Variants in ANGPT4 observed in about 807,000 individuals in gnomAD.
The protein encoded by ANGPT4 is angiopoietin 4, also known as angiopoietin-4.
A neutral mutation model predicts 53.0 loss-of-function variants in ANGPT4; 50 were observed. The observed-to-expected ratio is 0.94, with a 90% CI of 0.75 to 1.20. The LOEUF is 1.20. ANGPT4 is among the 50% of genes most tolerant of loss of function. The pLI, the probability that ANGPT4 is intolerant of heterozygous loss-of-function variation, is 0.00. For synonymous variants in ANGPT4, 251 were observed against 259.7 expected (o/e 0.97, Z 0.32); for missense variants, 648 against 637.1 (o/e 1.02, Z -0.18).
Position 872,975 on chromosome 20 carries a change from C to G in ANGPT4, c.1497G>C (p.Arg499=), listed in dbSNP as rs1182167235. 6.2e-7 allele frequency: 1 copy of G among 1,614,050 alleles called. No homozygotes were observed. Among genetic ancestry groups the G allele is most frequent in the South Asian group, 1.1e-5 (1 of 91,088 alleles). The change falls in exon 9 of 9, where the codon CGG becomes CGC. Residue 499 remains arginine (R), a synonymous_variant. Transcript: ENST00000381922. ...CAGCTGCTCGTTAGATGTCCAAAGGCCGTATCATCATGCGAGAGGCACGCA... is the reference window on the plus strand; with the variant it reads ...CAGCTGCTCGTTAGATGTCCAAAGGGCGTATCATCATGCGAGAGGCACGCA... The part of the protein sequence containing the change: ...YSLRASRMMI[R]PLDI
At chr20:909,627 T>C (rs964804864) in intron 1 of ANGPT4, among the ~76,000 whole-genome samples, 1 of 152,140 alleles carries the variant, frequency 6.6e-6, no homozygotes, top group African/African-American at 2.4e-5. Flanking sequence ...CCTCATTTAA[T>C]CTCCTCAATA....
Position 908,654 on chromosome 20 carries a change from C to T in ANGPT4, c.309+7252G>A, listed in dbSNP as rs775741770. Among the ~76,000 whole-genome samples, 49 of 152,284 alleles carry T rather than the reference C, an allele frequency of 3.2e-4. No individual in the cohort carries two copies. The highest frequency in any genetic ancestry group is 7.7e-4 in the East Asian group (4 of 5,182). On this transcript the variant is annotated intron_variant, in intron 1 of 8. Transcript: ENST00000381922. This position sits in a 1 kb window ranked among gnomAD's most constrained non-coding sequence, Gnocchi z 4.9. ...TACTAAATCCTTGTCACTTGCATGG[C>T]GCCTGGCGCATTGTAAGCCCTCAAT...
chr20:890,907 C>T (rs549455514), intron 1 of ANGPT4, among the ~76,000 whole-genome samples: 3 of 152,332 alleles, frequency 2.0e-5, no homozygotes, highest in South Asian at 2.1e-4. Flanking sequence ...TCCGCATCTG[C>T]GTGGCACACC....
intron 7 of ANGPT4, among the ~76,000 whole-genome samples, chr20:875,884 C>A (rs1050957734): frequency 6.6e-6 from 1 of 152,070 alleles, no homozygotes; most frequent in Non-Finnish European, 1.5e-5. Context: ...AATCCCCGCA[C>A]TTTGGGAGGC....
chr20:897,868 C>T (rs1014285690), intron 1 of ANGPT4, among the ~76,000 whole-genome samples: 1 of 152,188 alleles, frequency 6.6e-6, no homozygotes, highest in African/African-American at 2.4e-5. Flanking sequence ...ACCTAAATGC[C>T]TTATTTTCTT....
intron 6 of ANGPT4, among the ~76,000 whole-genome samples, chr20:878,747 G>A (rs1387269661): frequency 1.3e-5 from 2 of 152,044 alleles, no homozygotes; most frequent in African/African-American, 2.4e-5. Context: ...TTATTTGTGC[G>A]CTTAGACACA....
At chr20:909,027 G>A (rs1331631707) in intron 1 of ANGPT4, among the ~76,000 whole-genome samples, 3 of 152,150 alleles carry the variant, frequency 2.0e-5, no homozygotes, top group East Asian at 3.9e-4. Context: ...GGTGGGCACA[G>A]AGAGGTGGTC....
At chr20:909,224 T>G (rs886643970) in intron 1 of ANGPT4, among the ~76,000 whole-genome samples, 4 of 152,268 alleles carry the variant, frequency 2.6e-5, no homozygotes, top group Middle Eastern at 3.4e-3. Flanking sequence ...ACATATAAAG[T>G]GCCTGGCCCA....
chr20:890,419 C>T lies in ANGPT4; in HGVS notation c.310-51G>A, dbSNP rs749890952. The T allele has an allele frequency of 4.5e-6, 7 of 1,539,430 alleles. No individual in the cohort carries two copies. The African/African-American group carries it at 8.2e-5, about 18-fold the overall frequency. ...ACGGGGGAGGGGCGGGGGAAGCCCC[C>T]TGTCCCTCCCACGTGTCACCATGGG... On this transcript the variant is annotated intron_variant, in intron 1 of 8. Transcript: ENST00000381922.
At chr20:904,717 C>A (rs1982412194) in intron 1 of ANGPT4, among the ~76,000 whole-genome samples, 1 of 152,158 alleles carries the variant, frequency 6.6e-6, no homozygotes, top group Non-Finnish European at 1.5e-5. Context: ...GCCTTGAATT[C>A]CCAGGCTCAA....
chr20:896,494 C>A (rs1982056617), intron 1 of ANGPT4, among the ~76,000 whole-genome samples: 1 of 152,082 alleles, frequency 6.6e-6, no homozygotes, highest in Non-Finnish European at 1.5e-5. Context: ...AGTGCAGAGG[C>A]CTTGAAGTGG....
At chr20:905,922 G>A (rs1213457090) in intron 1 of ANGPT4, among the ~76,000 whole-genome samples, 1 of 152,212 alleles carries the variant, frequency 6.6e-6, no homozygotes, top group Non-Finnish European at 1.5e-5. Context: ...GATGAGGAAA[G>A]GAAGGCATTG....
intron 2 of ANGPT4, among the ~76,000 whole-genome samples, 189 bp downstream of exon 2, chr20:890,024 C>T (rs1336704315): frequency 2.0e-5 from 3 of 152,232 alleles, no homozygotes; most frequent in Non-Finnish European, 1.5e-5. Context: ...CATCCACCCC[C>T]CAGGGCTCAT....
intron 1 of ANGPT4, among the ~76,000 whole-genome samples, chr20:898,160 C>G (rs1020994178): frequency 2.6e-5 from 4 of 152,130 alleles, no homozygotes; most frequent in Admixed American, 2.0e-4. Context: ...TTTCTACGGA[C>G]TCATCTGACC....
chr20:891,823 G>A (rs6118110), intron 1 of ANGPT4, among the ~76,000 whole-genome samples: 6,328 of 152,294 alleles, frequency 0.042, 177 homozygotes, highest in African/African-American at 0.071. Context: ...GCTTGTGGGC[G>A]GTAGTAGTAC....
At chr20:879,143 A>C (rs754530069) in intron 6 of ANGPT4, among the ~76,000 whole-genome samples, 9 of 152,258 alleles carry the variant, frequency 5.9e-5, no homozygotes, top group Non-Finnish European at 8.8e-5. Context: ...GTATTCCTTA[A>C]ATGAACAGCA....
intron 3 of ANGPT4, among the ~76,000 whole-genome samples, chr20:885,754 G>C (rs927622275): frequency 6.6e-6 from 1 of 152,164 alleles, no homozygotes; most frequent in African/African-American, 2.4e-5. Flanking sequence ...AATCCGTTGC[G>C]TTTTGGCGTC....
intron 3 of ANGPT4, 45 bp downstream of exon 3, chr20:888,273 C>T (rs748104054): frequency 5.7e-6 from 9 of 1,585,910 alleles, no homozygotes; most frequent in Non-Finnish European, 7.7e-6. Flanking sequence ...AACTTGACTC[C>T]AGCCCCAGCC....
At chr20:882,564 C>G (rs1275794354) in intron 4 of ANGPT4, among the ~76,000 whole-genome samples, 1 of 152,190 alleles carries the variant, frequency 6.6e-6, no homozygotes, top group East Asian at 1.9e-4. Context: ...CCAGTTCACT[C>G]ACAAGCATTT....
Sources: gnomAD v4.1 joint callset for allele counts (sites outside exome capture counted in the v4.1 genomes callset) on GRCh38, gnomAD v4.1.1 for gene constraint, Gnocchi (gnomAD v3.1) non-coding constraint, MANE v1.5 for transcripts, NCBI Gene and HGNC (gene_info 2026-07-23, HGNC 2026-07-21) for gene names.